The following HIGD1B variants were observed in gnomAD, a reference collection of about 807,000 sequenced individuals.
The protein encoded by HIGD1B is HIG1 hypoxia inducible domain family member 1B, also known as HIG1 domain family member 1B.
Under a neutral mutation model 8.8 loss-of-function variants are expected in HIGD1B, and 9 were observed. The observed-to-expected ratio is 1.02, with a 90% CI of 0.62 to 1.78. The LOEUF is 1.78. Among genes scored for constraint, HIGD1B ranks in the 40% most tolerant of loss-of-function variants. HIGD1B has a pLI of 0.00. For missense variants in HIGD1B, 126 were observed against 111.8 expected (o/e 1.13, Z -0.57); for synonymous variants, 47 against 38.8 (o/e 1.21, Z -0.78).
At chr17:44,847,567 G>A (rs1459403102), upstream of HIGD1B, among the ~76,000 whole-genome samples, 1 of 152,262 alleles carries the variant, frequency 6.6e-6, no homozygotes, top group Non-Finnish European at 1.5e-5. Flanking sequence ...TCAGGAACCA[G>A]AATGTGTTCC....
upstream of HIGD1B, chr17:44,846,229 C>G (rs1340150412): frequency 6.6e-6 from 1 of 152,330 alleles, no homozygotes; most frequent in Non-Finnish European, 1.5e-5. Context: ...TGGGACTCAG[C>G]AGACTGGGGG....
At chr17:44,849,911 C>A (rs1379955790) in intron 2 of HIGD1B, 1 of 196,322 alleles carries the variant, frequency 5.1e-6, no homozygotes, top group Non-Finnish European at 1.1e-5. Flanking sequence ...TGACAGTTTG[C>A]CCTAGGGGTG....
upstream of HIGD1B, among the ~76,000 whole-genome samples, chr17:44,847,257 C>G (rs1350136275): frequency 6.6e-6 from 1 of 152,056 alleles, no homozygotes; most frequent in African/African-American, 2.4e-5. Context: ...CAAGGTGAAA[C>G]CCCGTCTCTA....
chr17:44,849,736 G>T (rs1054161341), intron 2 of HIGD1B, among the ~76,000 whole-genome samples: 5 of 145,434 alleles, frequency 3.4e-5, no homozygotes, highest in Non-Finnish European at 7.5e-5. Flanking sequence ...TCCAGCCCGG[G>T]TGACAGAGTG....
intron 2 of HIGD1B, chr17:44,849,982 A>C: frequency 4.4e-6 from 1 of 225,078 alleles, no homozygotes; most frequent in East Asian, 9.0e-5. Flanking sequence ...TAAAAAGCAG[A>C]CAGCCACTTG....
upstream of HIGD1B, among the ~76,000 whole-genome samples, chr17:44,847,085 C>T (rs147416354): frequency 2.9e-4 from 44 of 151,554 alleles, 1 homozygote; most frequent in East Asian, 4.1e-3. Flanking sequence ...TGCAGTGAGC[C>T]GAGATGGCAC....
upstream of HIGD1B, among the ~76,000 whole-genome samples, chr17:44,845,130 C>T (rs1432169819): frequency 1.3e-5 from 2 of 151,576 alleles, no homozygotes; most frequent in Non-Finnish European, 2.9e-5. Flanking sequence ...TGGTGGCAGG[C>T]GCCTGTAATC....
At chr17:44,846,112 G>A (rs994730488), upstream of HIGD1B, among the ~76,000 whole-genome samples, 23 of 150,938 alleles carry the variant, frequency 1.5e-4, no homozygotes, top group African/African-American at 5.6e-4. Context: ...CATCAAGCCT[G>A]TCTCTGATCC....
At chr17:44,846,915 C>T (rs1369873333), upstream of HIGD1B, among the ~76,000 whole-genome samples, 3 of 151,994 alleles carry the variant, frequency 2.0e-5, no homozygotes, top group African/African-American at 7.3e-5. Context: ...GTGGGCGGAT[C>T]AAGAGGTCAG....
At chr17:44,847,166 G>T (rs1251980498), upstream of HIGD1B, among the ~76,000 whole-genome samples, 1 of 151,962 alleles carries the variant, frequency 6.6e-6, no homozygotes, top group African/African-American at 2.4e-5. Context: ...GGGCGCGGTG[G>T]CTCACGCCTG....
chr17:44,849,141 T>A, intron 1 of HIGD1B, 113 bp from the exon 2 acceptor site: 10 of 1,206,944 alleles, frequency 8.3e-6, no homozygotes, highest in African/African-American at 1.5e-5. Context: ...CACCAGATGC[T>A]GCATAAAACC....
At chr17:44,846,096 TCTC>T (rs952173138), upstream of HIGD1B, among the ~76,000 whole-genome samples, 79 of 151,788 alleles carry the variant, frequency 5.2e-4, no homozygotes, top group Non-Finnish European at 1.5e-5. Flanking sequence ...CCATCTCCGT[TCTC>T]CTCATCAAGC....
intron 1 of HIGD1B, 62 bp from the exon 2 acceptor site, chr17:44,849,192 T>G: frequency 3.8e-6 from 6 of 1,576,088 alleles, no homozygotes; most frequent in Non-Finnish European, 5.2e-6. Context: ...GTAAGGTATC[T>G]CTCATCAGGG....
upstream of HIGD1B, among the ~76,000 whole-genome samples, chr17:44,846,784 A>G (rs528891657): frequency 1.8e-4 from 22 of 123,168 alleles, 1 homozygote; most frequent in South Asian, 4.9e-3. Flanking sequence ...GACCCTGCCT[A>G]AAAAAAAAAA....
At chr17:44,847,161 C>T (rs971825277), upstream of HIGD1B, among the ~76,000 whole-genome samples, 1 of 151,732 alleles carries the variant, frequency 6.6e-6, no homozygotes, top group Admixed American at 6.6e-5. Flanking sequence ...GGGCCGGGCG[C>T]GGTGGCTCAC....
chr17:44,845,175 T>C (rs1243745800), upstream of HIGD1B, among the ~76,000 whole-genome samples: 3 of 151,258 alleles, frequency 2.0e-5, no homozygotes. Flanking sequence ...GGACAATCAC[T>C]TGAACCCGGG....
At chr17:44,849,480 G>A in intron 2 of HIGD1B, 92 bp downstream of exon 2, 1 of 1,478,174 alleles carries the variant, frequency 6.8e-7, no homozygotes, top group South Asian at 1.2e-5. Flanking sequence ...GACTGTGCTT[G>A]GCTGGGCGCG....
At chr17:44,849,758 C>CA (rs61617877) in intron 2 of HIGD1B, among the ~76,000 whole-genome samples, 3,504 of 50,314 alleles carry the variant, frequency 0.07, 126 homozygotes, top group African/African-American at 0.084. Context: ...GACTCTGTCT[C>CA]AAAAAAAAAA....
intron 2 of HIGD1B, among the ~76,000 whole-genome samples, chr17:44,849,630 G>C (rs991475587): frequency 6.6e-6 from 1 of 151,896 alleles, no homozygotes; most frequent in African/African-American, 2.4e-5. Context: ...CGTGGCGGCA[G>C]GTGCCTTTAG....
Sources: allele counts gnomAD v4.1 joint callset (sites outside exome capture counted in the v4.1 genomes callset), GRCh38; gene constraint gnomAD v4.1.1; transcripts MANE v1.5; gene names NCBI Gene and HGNC (gene_info 2026-07-23, HGNC 2026-07-21).